The following TBX15 variants were observed in gnomAD, a reference collection of about 807,000 sequenced individuals.
The protein encoded by TBX15 is T-box transcription factor TBX15.
TBX15 carries 18 observed loss-of-function variants against 53.9 expected under a neutral mutation model. That is an observed-to-expected ratio of 0.33 (90% CI 0.23 to 0.49). TBX15 has a LOEUF of 0.49. Among genes scored for constraint, TBX15 ranks in the 20% least tolerant of loss-of-function variants. TBX15 has a pLI of 0.98. For synonymous variants in TBX15, 295 were observed against 278.0 expected (o/e 1.06, Z -0.61); for missense variants, 692 against 749.5 (o/e 0.92, Z 0.90).
intron 4 of TBX15, among the ~76,000 whole-genome samples, chr1:118,924,175 C>T (rs911210926): frequency 1.3e-5 from 2 of 152,224 alleles, no homozygotes; most frequent in Non-Finnish European, 2.9e-5. Context: ...ATGTGTTTCA[C>T]TGCCAAAGAT....
Position 118,884,505 on chromosome 1 carries a change from G to A in TBX15, c.*227C>T. 1 of 590,482 alleles carries A rather than the reference G, an allele frequency of 1.7e-6. No homozygotes were observed. Among genetic ancestry groups the A allele is most frequent in the Non-Finnish European group, 2.9e-6 (1 of 339,388 alleles). 36.6% of individuals were successfully genotyped at this position (590,482 alleles called of 1,614,324 possible). A position where few individuals can be genotyped will look rare whatever the true frequency, so the allele number is the denominator to read the frequency against. On this transcript the variant is annotated 3_prime_UTR_variant, in exon 8 of 8. Coordinates refer to ENST00000369429, the MANE Select transcript of TBX15 (RefSeq NM_001330677.2). ...AATGCTTTATAAAACTAAGGTCTGG[G>A]AAGGCAGAAGAATGGCCACTGAGTT...
At chr1:118,892,345 T>C (rs1377721088) in intron 7 of TBX15, among the ~76,000 whole-genome samples, 2 of 152,194 alleles carry the variant, frequency 1.3e-5, no homozygotes, top group Non-Finnish European at 2.9e-5. Context: ...ATGTACAGAA[T>C]AGAAAAACAA....
chr1:118,941,354 A>G (rs141591338), intron 1 of TBX15, among the ~76,000 whole-genome samples: 10 of 152,340 alleles, frequency 6.6e-5, no homozygotes, highest in African/African-American at 2.4e-4. Flanking sequence ...ATTTCTAAAC[A>G]TCAAGTGTAA....
intron 1 of TBX15, among the ~76,000 whole-genome samples, chr1:118,970,078 C>A (rs976350025): frequency 6.6e-6 from 1 of 152,220 alleles, no homozygotes; most frequent in African/African-American, 2.4e-5. Flanking sequence ...CATGTGAAGA[C>A]ATGCTGGCTT....
chr1:118,899,138 A>G lies in TBX15; in HGVS notation c.927-13T>C. On this transcript the variant is annotated splice_polypyrimidine_tract_variant and intron_variant, in intron 6 of 7. Coordinates refer to ENST00000369429, the MANE Select transcript of TBX15 (RefSeq NM_001330677.2). ...TTCAAGTCCAGTTCTGACAAGAGAAAAGCCAGCAAAGGAAGTCATAAATAA... is the reference window on the plus strand; with the variant it reads ...TTCAAGTCCAGTTCTGACAAGAGAAGAGCCAGCAAAGGAAGTCATAAATAA... 3.1e-6 allele frequency: 5 copies of G among 1,610,864 alleles called. No individual in the cohort carries two copies. Among genetic ancestry groups the G allele is most frequent in the Non-Finnish European group, 4.2e-6 (5 of 1,177,472 alleles).
At position 118,923,776 on chromosome 1, in the gene TBX15, T is replaced by C. The variant is rs73007559; in HGVS notation, c.694-173A>G. 1.4e-3 allele frequency among the ~76,000 whole-genome samples: 216 copies of C among 152,324 alleles called. 3 individuals carry two copies. Among genetic ancestry groups the C allele is most frequent in the African/African-American group, 4.9e-3 (205 of 41,582 alleles). ...GCCCAGGAAGAACTAAGTGATTAAA[T>C]AGCATTACATGGAACCAAATAGCAG... On this transcript the variant is annotated intron_variant, in intron 4 of 7. Coordinates refer to ENST00000369429, the MANE Select transcript of TBX15 (RefSeq NM_001330677.2).
chr1:118,973,742 C>T (rs1427139003), intron 1 of TBX15, among the ~76,000 whole-genome samples: 2 of 152,048 alleles, frequency 1.3e-5, no homozygotes, highest in Admixed American at 6.6e-5. Context: ...TAACACCCCT[C>T]AGCACCGCCC....
intron 1 of TBX15, among the ~76,000 whole-genome samples, chr1:118,941,225 G>A (rs1351791863): frequency 6.6e-6 from 1 of 152,056 alleles, no homozygotes; most frequent in East Asian, 1.9e-4. Flanking sequence ...GTGAAAAGTG[G>A]GCCTTTCTCC....
intron 4 of TBX15, among the ~76,000 whole-genome samples, chr1:118,924,219 G>A (rs1479279324): frequency 6.6e-6 from 1 of 152,084 alleles, no homozygotes; most frequent in Non-Finnish European, 1.5e-5. Flanking sequence ...AATTATACCT[G>A]GAAAGCCTTA....
rs535790380 is a variant in TBX15, at chr1:118,938,978, C to T, written c.206-7146G>A. 7.2e-5 allele frequency among the ~76,000 whole-genome samples: 11 copies of T among 152,172 alleles called. No individual in the cohort carries two copies. In the South Asian group the frequency reaches 1.5e-3, roughly 20 times the overall value. On this transcript the variant is annotated intron_variant, in intron 1 of 7. Transcript: ENST00000369429. ...CAAAGATATGGCATCAACCCAGGTG[C>T]CTATCAATAGTAGATTGGATAAAGA... is the stretch of plus-strand genomic sequence containing the variant.
chr1:118,933,041 C>G (rs1655851931), intron 1 of TBX15, among the ~76,000 whole-genome samples: 1 of 152,114 alleles, frequency 6.6e-6, no homozygotes, highest in African/African-American at 2.4e-5. Flanking sequence ...GAGCATCAAT[C>G]CTTGACACTA....
chr1:118,911,663 C>T (rs2810934), intron 6 of TBX15, among the ~76,000 whole-genome samples: 3,919 of 152,256 alleles, frequency 0.026, 181 homozygotes, highest in African/African-American at 0.09. Context: ...GCTTATCTAG[C>T]CTACTTTTCT....
chr1:118,966,277 T>C (rs751100668), intron 1 of TBX15, among the ~76,000 whole-genome samples: 1 of 152,162 alleles, frequency 6.6e-6, no homozygotes, highest in Non-Finnish European at 1.5e-5. Context: ...CAGAAGAAGA[T>C]ACCTAATGGG....
intron 5 of TBX15, among the ~76,000 whole-genome samples, chr1:118,922,857 G>A (rs1212296463): frequency 1.3e-5 from 2 of 152,122 alleles, no homozygotes; most frequent in Non-Finnish European, 2.9e-5. Flanking sequence ...GCAGTAGAAT[G>A]TTTGTTCTTC....
At chr1:118,893,356 GGAAAGAAAGAAAGAAAGAAA>G (rs200654722) in intron 7 of TBX15, among the ~76,000 whole-genome samples, 149 of 51,046 alleles carry the variant, frequency 2.9e-3, no homozygotes, top group East Asian at 0.019. Context: ...AAGGAAGGAA[GGAAAGAAAGAAAGAAAGAAA>G]GAAAGAAAGA....
chr1:118,898,652 C>T (rs910340248), intron 7 of TBX15, among the ~76,000 whole-genome samples: 1 of 152,036 alleles, frequency 6.6e-6, no homozygotes, highest in Non-Finnish European at 1.5e-5. Flanking sequence ...CATCACGAAA[C>T]TTTTCTTATT....
At chr1:118,891,079 T>C (rs1256934952) in intron 7 of TBX15, 1 of 390,958 alleles carries the variant, frequency 2.6e-6, no homozygotes, top group Non-Finnish European at 4.2e-6. Context: ...ACAAAAGAAT[T>C]ACTTAGTTGA....
chr1:118,956,971 A>G (rs1201694996), intron 1 of TBX15, among the ~76,000 whole-genome samples: 1 of 151,692 alleles, frequency 6.6e-6, no homozygotes, highest in African/African-American at 2.4e-5. Context: ...TCAAAAAAAA[A>G]AAAATAGATT....
chr1:118,930,850 A>T (rs1211631023), intron 2 of TBX15, among the ~76,000 whole-genome samples: 1 of 152,260 alleles, frequency 6.6e-6, no homozygotes, highest in Non-Finnish European at 1.5e-5. Flanking sequence ...GCTGCCTCTT[A>T]GTACCCATGT....
Sources: allele counts gnomAD v4.1 joint callset (sites outside exome capture counted in the v4.1 genomes callset), GRCh38; gene constraint gnomAD v4.1.1; transcripts MANE v1.5; gene names NCBI Gene and HGNC (gene_info 2026-07-23, HGNC 2026-07-21).